AGTPBP1: variants seen among roughly 807,000 people sequenced by gnomAD.
The protein encoded by AGTPBP1 is ATP/GTP binding carboxypeptidase 1.
A neutral mutation model predicts 143.9 loss-of-function variants in AGTPBP1; 70 were observed. That is an observed-to-expected ratio of 0.49 (90% CI 0.40 to 0.59). The LOEUF (loss-of-function observed/expected upper bound fraction) is 0.59. AGTPBP1 is among the 20% of genes least tolerant of loss of function. AGTPBP1 has a pLI of 0.00. For synonymous variants in AGTPBP1, 463 were observed against 500.2 expected, an observed-to-expected ratio of 0.93 and a Z score of 0.99; for missense variants, 1,229 against 1,464.5, an observed-to-expected ratio of 0.84 and a Z score of 2.62.
In AGTPBP1 at chr9:85,546,646, T is replaced by C. The variant is rs1825760974; in HGVS notation, c.*463A>G. The C allele has an allele frequency of 6.6e-6, 1 of 152,644 alleles. No individual in the cohort carries two copies. Among genetic ancestry groups the C allele is most frequent in the Middle Eastern group, 3.4e-3 (1 of 294 alleles). 9.5% of individuals were successfully genotyped at this position (152,644 alleles called of 1,614,324 possible). Reference sequence around the variant, plus strand: ...AGTCACAACCCAATAGTTAACATGATTCTGAAGAACAGTCTTATCTGCAAT... The same window carrying C: ...AGTCACAACCCAATAGTTAACATGACTCTGAAGAACAGTCTTATCTGCAAT... On this transcript the variant is annotated 3_prime_UTR_variant, in exon 26 of 26. Coordinates refer to ENST00000357081, the MANE Select transcript of AGTPBP1 (RefSeq NM_001330701.2).
Position 85,669,537 on chromosome 9 carries a change from G to C in AGTPBP1, c.610C>G (p.Leu204Val), listed in dbSNP as rs750215665. 4.3e-6 allele frequency: 7 copies of C among 1,611,996 alleles called. No homozygotes were observed. The highest frequency in any genetic ancestry group is 5.9e-6 in the Non-Finnish European group (7 of 1,178,582). The change falls in exon 8 of 26, where the codon CTG becomes GTG. Residue 204 changes from leucine to valine, a missense_variant. Transcript: ENST00000357081. ...AATGGTCCAATGATTTTAAACATCA[G>C]TTCCACAACTCCATTTTTCCCTAAG... Reference protein sequence around the residue: ...VSLGKNGVVELMFKIIGPFSK... With the variant: ...VSLGKNGVVEVMFKIIGPFSK...
the AGTPBP1 span, among the ~76,000 whole-genome samples, chr9:85,795,526 T>C: frequency 0.081 from 12,258 of 152,200 alleles, 1,290 homozygotes; most frequent in East Asian, 0.56. Flanking sequence ...ACCATTTGAA[T>C]GCGAACAATG....
chr9:85,733,691 T>C (rs1839035529), intron 1 of AGTPBP1, among the ~76,000 whole-genome samples: 2 of 151,884 alleles, frequency 1.3e-5, no homozygotes, highest in South Asian at 4.2e-4. Flanking sequence ...TTTGAAAAGA[T>C]TAACAAAACT....
At chr9:85,796,390 T>C in the AGTPBP1 span, among the ~76,000 whole-genome samples, 1 of 152,338 alleles carries the variant, frequency 6.6e-6, no homozygotes, top group East Asian at 1.9e-4. Context: ...ACAGATGCTT[T>C]TACGTTTTAT....
intron 24 of AGTPBP1, among the ~76,000 whole-genome samples, chr9:85,576,624 G>A (rs1827919896): frequency 6.6e-6 from 1 of 152,086 alleles, no homozygotes; most frequent in Non-Finnish European, 1.5e-5. Flanking sequence ...AACTCAGTAA[G>A]ATAAAAATAT....
chr9:85,599,083 G>A (rs1057352407), intron 17 of AGTPBP1, among the ~76,000 whole-genome samples: 14 of 147,460 alleles, frequency 9.5e-5, no homozygotes, highest in Non-Finnish European at 1.6e-4. Flanking sequence ...GTTCATCTTC[G>A]TCCATTCGTT....
At chr9:85,580,033 C>T (rs57710639) in intron 23 of AGTPBP1, among the ~76,000 whole-genome samples, 1 of 151,536 alleles carries the variant, frequency 6.6e-6, no homozygotes, top group Non-Finnish European at 1.5e-5. Context: ...GTCAGGAGTT[C>T]GAGACCAGCC....
At chr9:85,745,557 T>C (rs1310819241), upstream of AGTPBP1, among the ~76,000 whole-genome samples, 1 of 152,216 alleles carries the variant, frequency 6.6e-6, no homozygotes, top group African/African-American at 2.4e-5. Context: ...CGACCAGAGC[T>C]GAATCTAAAT....
At chr9:85,709,074 C>T (rs1837200091) in intron 2 of AGTPBP1, among the ~76,000 whole-genome samples, 1 of 152,034 alleles carries the variant, frequency 6.6e-6, no homozygotes, top group Non-Finnish European at 1.5e-5. Flanking sequence ...TTCTAAACAA[C>T]CCTTTAGCAA....
chr9:85,623,393 G>C (rs1404321017), intron 14 of AGTPBP1, among the ~76,000 whole-genome samples: 1 of 152,020 alleles, frequency 6.6e-6, no homozygotes, highest in Non-Finnish European at 1.5e-5. Flanking sequence ...GGACATAATT[G>C]CCCATTTATA....
chr9:85,603,570 G>T (rs1389662568), intron 17 of AGTPBP1, among the ~76,000 whole-genome samples: 2 of 152,130 alleles, frequency 1.3e-5, no homozygotes, highest in African/African-American at 4.8e-5. Context: ...TGGCTTCAGG[G>T]GGTGGCCACA....
At chr9:85,678,001 T>C (rs562106125) in intron 5 of AGTPBP1, among the ~76,000 whole-genome samples, 1 of 152,278 alleles carries the variant, frequency 6.6e-6, no homozygotes, top group African/African-American at 2.4e-5. Flanking sequence ...CAAAACTCCA[T>C]CTCAATCAAT....
At chr9:85,638,369 CTG>C (rs1348592201) in intron 13 of AGTPBP1, among the ~76,000 whole-genome samples, 9 of 151,750 alleles carry the variant, frequency 5.9e-5, no homozygotes, top group Admixed American at 6.6e-5. Flanking sequence ...AAAAAAAAGA[CTG>C]TATATACAGT....
chr9:85,681,322 T>C lies in AGTPBP1; in HGVS notation c.171A>G (p.Arg57=), dbSNP rs765264617. 1.6e-5 allele frequency: 25 copies of C among 1,611,560 alleles called. No individual in the cohort carries two copies. Among genetic ancestry groups the C allele is most frequent in the East Asian group, 6.7e-5 (3 of 44,808 alleles). The part of the protein sequence containing the change: ...HLAQSQEKTR[R]EMTAKGSTGM... ...CTGTAGAACCTTTGGCTGTCATTTC[T>C]CTCCTTGTTTTTTCTGAAAAGTAGC... is the stretch of plus-strand genomic sequence containing the variant. The change falls in exon 4 of 26, where the codon AGA becomes AGG. Residue 57 remains arginine, a synonymous_variant. Coordinates refer to ENST00000357081, the MANE Select transcript of AGTPBP1 (RefSeq NM_001330701.2).
At chr9:85,785,912 T>C in the AGTPBP1 span, 2 of 483,840 alleles carry the variant, frequency 4.1e-6, no homozygotes. Context: ...ACATGCAAGA[T>C]GCCTGTAAGT....
In AGTPBP1 at chr9:85,660,973, CCT is replaced by C; in HGVS notation, c.663-2_663-1del. Reference sequence around the variant, plus strand: ...ATGCAGCAAGAGTGTCTAAAGCAACCCTGTCAACACAACAAGAAAACACAAAC... The same window carrying C: ...ATGCAGCAAGAGTGTCTAAAGCAACCGTCAACACAACAAGAAAACACAAAC... On this transcript the variant is annotated splice_acceptor_variant, in intron 8 of 25. Coordinates refer to ENST00000357081, the MANE Select transcript of AGTPBP1 (RefSeq NM_001330701.2). LOFTEE classifies it high-confidence loss of function. The C allele has an allele frequency of 6.3e-7, 1 of 1,591,826 alleles. No homozygotes were observed. The highest frequency in any genetic ancestry group is 8.5e-7 in the Non-Finnish European group (1 of 1,171,018).
chr9:85,738,856 CA>C (rs1368606475), intron 1 of AGTPBP1, among the ~76,000 whole-genome samples: 5 of 152,016 alleles, frequency 3.3e-5, no homozygotes, highest in African/African-American at 1.2e-4. Flanking sequence ...CTCCATCCCC[CA>C]AAAGTCCTTT....
chr9:85,647,626 T>C (rs1461999905), intron 11 of AGTPBP1, among the ~76,000 whole-genome samples: 1 of 152,170 alleles, frequency 6.6e-6, no homozygotes, highest in Admixed American at 6.5e-5. Context: ...CAACAACTAA[T>C]TGTAAACTGC....
At chr9:85,665,811 T>C (rs1173370737) in intron 8 of AGTPBP1, among the ~76,000 whole-genome samples, 2 of 152,128 alleles carry the variant, frequency 1.3e-5, no homozygotes, top group Admixed American at 6.6e-5. Context: ...TTATTTCCAG[T>C]AGATTAAAAG....
Sources: allele counts gnomAD v4.1 joint callset (sites outside exome capture counted in the v4.1 genomes callset), GRCh38; gene constraint gnomAD v4.1.1; transcripts MANE v1.5; gene names NCBI Gene and HGNC (gene_info 2026-07-23, HGNC 2026-07-21).